The following PAPPA2 variants were observed in gnomAD, a reference collection of about 807,000 sequenced individuals.
The protein encoded by PAPPA2 is pappalysin 2.
A neutral mutation model predicts 176.4 loss-of-function variants in PAPPA2; 86 were observed. That is an observed-to-expected ratio of 0.49 (90% CI 0.41 to 0.58). The LOEUF is 0.58. PAPPA2 is among the 20% of genes least tolerant of loss of function. The probability of loss-of-function intolerance (pLI) is 0.00; values close to 1 mark genes in which losing one functional copy is unlikely to be tolerated. For synonymous variants in PAPPA2, 809 were observed against 852.2 expected, an observed-to-expected ratio of 0.95 and a Z score of 0.88; for missense variants, 2,073 against 2,256.9, an observed-to-expected ratio of 0.92 and a Z score of 1.65.
intron 3 of PAPPA2, among the ~76,000 whole-genome samples, chr1:176,608,178 A>C (rs943019984): frequency 6.6e-6 from 1 of 152,206 alleles, no homozygotes; most frequent in Non-Finnish European, 1.5e-5. Flanking sequence ...CAAAAGAAAA[A>C]ATTTAATTAA....
At chr1:176,499,775 G>C (rs978215517) in intron 1 of PAPPA2, among the ~76,000 whole-genome samples, 1 of 152,158 alleles carries the variant, frequency 6.6e-6, no homozygotes, top group African/African-American at 2.4e-5. Flanking sequence ...ATACTTTCTG[G>C]ACAAGTTGGC....
chr1:176,500,127 G>GTA (rs10670331), intron 1 of PAPPA2, among the ~76,000 whole-genome samples: 152,259 of 152,262 alleles, frequency 1, 76,128 homozygotes, highest in Middle Eastern at 1. Flanking sequence ...TTAGAAATAT[G>GTA]TAAGTACATA....
intron 1 of PAPPA2, among the ~76,000 whole-genome samples, chr1:176,522,242 T>A (rs1649255081): frequency 6.6e-6 from 1 of 152,204 alleles, no homozygotes; most frequent in Admixed American, 6.5e-5. Context: ...AGAAGAACAT[T>A]CAAACTTGTA....
intron 2 of PAPPA2, among the ~76,000 whole-genome samples, chr1:176,585,790 T>C (rs990606963): frequency 8.5e-5 from 13 of 152,138 alleles, no homozygotes; most frequent in Admixed American, 5.9e-4. Flanking sequence ...TTGTACTTTC[T>C]ATTGTTTTAT....
chr1:176,735,722 ATCTATCTATC>A (rs1367237207), intron 12 of PAPPA2, among the ~76,000 whole-genome samples: 1 of 143,870 alleles, frequency 7.0e-6, no homozygotes, highest in Non-Finnish European at 1.6e-5. Context: ...CTATCTATCT[ATCTATCTATC>A]TATCTATCAT....
At chr1:176,746,781 AG>A (rs1662928202) in intron 14 of PAPPA2, among the ~76,000 whole-genome samples, 1 of 152,164 alleles carries the variant, frequency 6.6e-6, no homozygotes, top group East Asian at 1.9e-4. Context: ...TATCAAAGCC[AG>A]GTGTTCTAAT....
In PAPPA2 at chr1:176,554,060, C is replaced by A. The variant is rs540887552; in HGVS notation, c.-916-1347C>A. 2.6e-5 allele frequency among the ~76,000 whole-genome samples: 4 copies of A among 152,128 alleles called. No individual in the cohort carries two copies. In the South Asian group the frequency reaches 8.3e-4, roughly 32 times the overall value. On this transcript the variant is annotated intron_variant, in intron 1 of 22. Coordinates refer to ENST00000367662, the MANE Select transcript of PAPPA2 (RefSeq NM_020318.3). ...TTGAGGGGTATCTGCTTAGTAACAT[C>A]CATGTGCCTGAGTTGATATCTTCTT...
At chr1:176,494,695 G>A (rs1012797860) in intron 1 of PAPPA2, among the ~76,000 whole-genome samples, 4 of 152,096 alleles carry the variant, frequency 2.6e-5, no homozygotes, top group East Asian at 1.9e-4. Flanking sequence ...TGTCCCACCC[G>A]GCCTTCTGAT....
intron 4 of PAPPA2, among the ~76,000 whole-genome samples, chr1:176,681,422 G>C (rs1035594414): frequency 4.6e-5 from 7 of 152,092 alleles, no homozygotes; most frequent in African/African-American, 1.7e-4. Flanking sequence ...TAAACATAAG[G>C]GATCTTCAGA....
At chr1:176,566,061 G>A (rs1373580089) in intron 2 of PAPPA2, among the ~76,000 whole-genome samples, 1 of 152,204 alleles carries the variant, frequency 6.6e-6, no homozygotes, top group East Asian at 1.9e-4. Context: ...AGATTCTGAT[G>A]CAGCAGCACC....
At chr1:176,532,423 C>T (rs1208627380) in intron 1 of PAPPA2, among the ~76,000 whole-genome samples, 1 of 152,196 alleles carries the variant, frequency 6.6e-6, no homozygotes, top group Non-Finnish European at 1.5e-5. Context: ...TGTGACGGAG[C>T]TTTCCCATCT....
chr1:176,595,835 G>A (rs1301286277), intron 3 of PAPPA2, among the ~76,000 whole-genome samples: 1 of 152,162 alleles, frequency 6.6e-6, no homozygotes, highest in Non-Finnish European at 1.5e-5. Flanking sequence ...AGAAAGCTGT[G>A]TACACAGTGT....
chr1:176,532,083 C>G (rs1163734231), intron 1 of PAPPA2, among the ~76,000 whole-genome samples: 1 of 152,082 alleles, frequency 6.6e-6, no homozygotes, highest in Admixed American at 6.5e-5. Context: ...TGTGGAAGAC[C>G]CCGGCAGAAA....
At chr1:176,684,946 C>A (rs1455812728) in intron 4 of PAPPA2, among the ~76,000 whole-genome samples, 1 of 152,116 alleles carries the variant, frequency 6.6e-6, no homozygotes, top group Non-Finnish European at 1.5e-5. Flanking sequence ...TTGTCAGGAT[C>A]AGAAAAACAT....
At chr1:176,650,216 C>A (rs1657640891) in intron 3 of PAPPA2, among the ~76,000 whole-genome samples, 1 of 151,372 alleles carries the variant, frequency 6.6e-6, no homozygotes, top group Non-Finnish European at 1.5e-5. Flanking sequence ...GTAGCTACTC[C>A]TGCCCATTTT....
At chr1:176,485,785 A>T (rs1258424679) in intron 1 of PAPPA2, among the ~76,000 whole-genome samples, 1 of 152,194 alleles carries the variant, frequency 6.6e-6, no homozygotes, top group Non-Finnish European at 1.5e-5. Context: ...AATTAAACTG[A>T]CAAAAGACAG....
intron 3 of PAPPA2, among the ~76,000 whole-genome samples, chr1:176,667,851 C>T (rs576660160): frequency 6.6e-6 from 1 of 152,268 alleles, no homozygotes; most frequent in South Asian, 2.1e-4. Flanking sequence ...ATTTAACTGA[C>T]TAATAAACTA....
intron 17 of PAPPA2, among the ~76,000 whole-genome samples, chr1:176,774,853 C>A (rs1048421075): frequency 6.6e-6 from 1 of 152,168 alleles, no homozygotes; most frequent in African/African-American, 2.4e-5. Context: ...TGCTCACTAT[C>A]TTCCCTGGCA....
At position 176,699,065 on chromosome 1, in the gene PAPPA2, G is replaced by C. The variant is rs759922760; in HGVS notation, c.2747-35G>C. 8.3e-6 allele frequency: 13 copies of C among 1,575,750 alleles called. No individual in the cohort carries two copies. The African/African-American group carries it at 1.6e-4, about 20-fold the overall frequency. On this transcript the variant is annotated intron_variant, in intron 7 of 22. Transcript: ENST00000367662. ...ACTCATTTTCTGACTTTTAATGGCT[G>C]CTACTGATGTATCTTTCTGCTAATC...
Sources: allele counts gnomAD v4.1 joint callset (sites outside exome capture counted in the v4.1 genomes callset), GRCh38; gene constraint gnomAD v4.1.1; transcripts MANE v1.5; gene names NCBI Gene and HGNC (gene_info 2026-07-23, HGNC 2026-07-21).